FRG1: variants seen among roughly 807,000 people sequenced by gnomAD.
The protein encoded by FRG1 is protein FRG1.
A neutral mutation model predicts 37.0 loss-of-function variants in FRG1; 19 were observed. The observed-to-expected ratio is 0.51, with a 90% CI of 0.36 to 0.75. The LOEUF (loss-of-function observed/expected upper bound fraction) is 0.75, where lower values mean the gene tolerates loss of function less well. FRG1 is among the 30% of genes least tolerant of loss of function. The pLI is 0.00. For synonymous variants in FRG1, 73 were observed against 96.5 expected, an observed-to-expected ratio of 0.76 and a Z score of 1.43; for missense variants, 243 against 301.4, an observed-to-expected ratio of 0.81 and a Z score of 1.44.
At chr4:189,952,425 T>C in intron 3 of FRG1, 138 bp downstream of exon 3, 7 of 727,642 alleles carry the variant, frequency 9.6e-6, no homozygotes, top group Non-Finnish European at 1.3e-5. Flanking sequence ...TTTTTTTTAA[T>C]TCCTTAATAT....
chr4:189,957,582 T>A (rs1056340612), intron 6 of FRG1, 80 bp downstream of exon 6: 3 of 1,215,196 alleles, frequency 2.5e-6, no homozygotes, highest in African/African-American at 1.5e-5. Context: ...AAATGGTCAT[T>A]TACTGTCACT....
Position 189,940,887 on chromosome 4 carries a change from G to A in FRG1, c.-123G>A, listed in dbSNP as rs10031571. The A allele has an allele frequency of 0.03, 20,865 of 686,072 alleles. 2,538 individuals are homozygous for A. The highest frequency in any genetic ancestry group is 0.29 in the African/African-American group (15,870 of 53,962). The allele number at this position is 686,072 out of a possible 1,614,324, so 42.5% of individuals were successfully genotyped here. Reference sequence around the variant, plus strand: ...AGACGGAGGCGGGTTCTACAGAGACGTAGGCTGTCAGGGAGTGTTTATTTC... The same window carrying A: ...AGACGGAGGCGGGTTCTACAGAGACATAGGCTGTCAGGGAGTGTTTATTTC... On this transcript the variant is annotated 5_prime_UTR_variant, in exon 1 of 9. Transcript: ENST00000226798.
At chr4:189,942,688 G>A (rs536867653) in intron 1 of FRG1, among the ~76,000 whole-genome samples, 71 of 152,230 alleles carry the variant, frequency 4.7e-4, no homozygotes, top group African/African-American at 1.6e-3. Flanking sequence ...ATTTTTGTGG[G>A]TGTATGTTTT....
At chr4:189,949,297 C>T (rs2411534) in intron 2 of FRG1, among the ~76,000 whole-genome samples, 1 of 152,226 alleles carries the variant, frequency 6.6e-6, no homozygotes, top group Admixed American at 6.5e-5. Flanking sequence ...TTACTTTAGT[C>T]GATAAACATA....
chr4:189,941,120 A>T, intron 1 of FRG1, 49 bp downstream of exon 1: 1 of 1,525,730 alleles, frequency 6.6e-7, no homozygotes. Flanking sequence ...TTTCGGACGC[A>T]CTCCACCCCC....
At chr4:189,958,600 T>C (rs1362515465) in intron 6 of FRG1, among the ~76,000 whole-genome samples, 25 of 152,280 alleles carry the variant, frequency 1.6e-4, no homozygotes, top group Non-Finnish European at 3.1e-4. Flanking sequence ...TCATCCGTAG[T>C]CAGACGCGTT....
chr4:189,957,217 TA>T (rs1408726486), intron 5 of FRG1, among the ~76,000 whole-genome samples, 180 bp from the exon 6 acceptor site: 2 of 152,250 alleles, frequency 1.3e-5, no homozygotes, highest in African/African-American at 4.8e-5. Context: ...CTTTGAATAG[TA>T]AAATGATAGG....
chr4:189,958,345 T>C (rs12508765), intron 6 of FRG1, among the ~76,000 whole-genome samples: 58,783 of 150,988 alleles, frequency 0.39, 12,343 homozygotes, highest in African/African-American at 0.58. Context: ...TCGGGGTATA[T>C]GCGTTTGTAT....
chr4:189,951,121 AT>A (rs903928938), intron 2 of FRG1, among the ~76,000 whole-genome samples: 2 of 152,170 alleles, frequency 1.3e-5, no homozygotes, highest in Non-Finnish European at 2.9e-5. Flanking sequence ...AGAGTCTAAT[AT>A]TTCTATTGGC....
At chr4:189,943,356 TATG>T in intron 2 of FRG1, 84 bp downstream of exon 2, 1 of 1,460,512 alleles carries the variant, frequency 6.8e-7, no homozygotes, top group Non-Finnish European at 9.3e-7. Context: ...GTTAGAAATT[TATG>T]ATGTATTCAT....
chr4:189,957,503 G>C lies in FRG1; in HGVS notation c.537+1G>C, dbSNP rs76810924. 6.2e-7 allele frequency: 1 copy of C among 1,612,222 alleles called. No homozygotes were observed. Among genetic ancestry groups the C allele is most frequent in the Non-Finnish European group, 8.5e-7 (1 of 1,178,942 alleles). On this transcript the variant is annotated splice_donor_variant, in intron 6 of 8. Transcript: ENST00000226798. LOFTEE classifies it high-confidence loss of function. ...AGCAGGAGAAGAAGAAATGATCAAG[G>C]TAATGATGACATTTTATACAGATGA...
chr4:189,954,597 TTTTTTTTTTTTTA>T (rs1736900015), intron 4 of FRG1, among the ~76,000 whole-genome samples: 5 of 146,510 alleles, frequency 3.4e-5, no homozygotes, highest in African/African-American at 1.2e-4. Flanking sequence ...GCTTTTTTCT[TTTTTTTTTTTTTA>T]AAGGCACAGA....
intron 2 of FRG1, among the ~76,000 whole-genome samples, chr4:189,951,394 G>A (rs1268317609): frequency 6.6e-6 from 1 of 151,854 alleles, no homozygotes; most frequent in Non-Finnish European, 1.5e-5. Flanking sequence ...GGGAAGCTGA[G>A]GCAGAGAATT....
chr4:189,960,638 A>C, intron 6 of FRG1, 110 bp from the exon 7 acceptor site: 3 of 1,134,260 alleles, frequency 2.6e-6, no homozygotes, highest in Non-Finnish European at 3.7e-6. Context: ...TGCTCAGTTA[A>C]TTTTTTCTTC....
intron 2 of FRG1, among the ~76,000 whole-genome samples, chr4:189,948,791 A>G (rs938784995): frequency 2.0e-5 from 3 of 152,302 alleles, no homozygotes; most frequent in Non-Finnish European, 4.4e-5. Flanking sequence ...CGTAGGCTCA[A>G]GCAATCCTCT....
chr4:189,962,016 G>T (rs1397172131), intron 8 of FRG1, 84 bp downstream of exon 8: 1 of 734,220 alleles, frequency 1.4e-6, no homozygotes, highest in East Asian at 2.8e-5. Context: ...TTAAATTACT[G>T]TAGTTTTTCA....
At chr4:189,956,011 C>T (rs1475480455) in intron 5 of FRG1, among the ~76,000 whole-genome samples, 1 of 152,148 alleles carries the variant, frequency 6.6e-6, no homozygotes. Context: ...CTAATTTCCT[C>T]ATCCCCTAGG....
At chr4:189,960,017 G>C (rs1363109326) in intron 6 of FRG1, 1 of 436,846 alleles carries the variant, frequency 2.3e-6, no homozygotes, top group African/African-American at 2.2e-5. Flanking sequence ...GCCCTAGCAG[G>C]GAATGTTTTC....
At chr4:189,941,336 A>C (rs1047910474) in intron 1 of FRG1, among the ~76,000 whole-genome samples, 2 of 152,168 alleles carry the variant, frequency 1.3e-5, no homozygotes, top group African/African-American at 4.8e-5. Flanking sequence ...GGGTCCCCTG[A>C]GGCATCTCTC....
Sources: gnomAD v4.1 joint callset for allele counts (sites outside exome capture counted in the v4.1 genomes callset) on GRCh38, gnomAD v4.1.1 for gene constraint, MANE v1.5 for transcripts, NCBI Gene and HGNC (gene_info 2026-07-23, HGNC 2026-07-21) for gene names.